Variants in AKAP13 observed in about 807,000 individuals in gnomAD.
The protein encoded by AKAP13 is A-kinase anchoring protein 13, also known as A-kinase anchor protein 13.
Under a neutral mutation model 264.5 loss-of-function variants are expected in AKAP13, and 80 were observed. The ratio of observed to expected loss-of-function variants is 0.30; its 90% CI spans 0.25 to 0.36. The LOEUF (loss-of-function observed/expected upper bound fraction) is 0.36, where lower values mean the gene tolerates loss of function less well. AKAP13 is among the 10% of genes least tolerant of loss of function. The pLI is 1.00. For synonymous variants in AKAP13, 1,380 were observed against 1,250.2 expected (o/e 1.10, Z -2.19); for missense variants, 3,712 against 3,435.2 (o/e 1.08, Z -2.01).
intron 12 of AKAP13, among the ~76,000 whole-genome samples, chr15:85,659,742 C>T (rs2083254914): frequency 6.6e-6 from 1 of 152,118 alleles, no homozygotes; most frequent in Admixed American, 6.5e-5. Flanking sequence ...GGAGTGTCAT[C>T]AACAACTCCA....
intron 1 of AKAP13, among the ~76,000 whole-genome samples, chr15:85,401,825 C>G (rs959565524): frequency 6.6e-6 from 1 of 151,804 alleles, no homozygotes; most frequent in African/African-American, 2.4e-5. Flanking sequence ...GGACATAGGA[C>G]AATAATAATG....
At chr15:85,394,308 T>C (rs542849029) in intron 1 of AKAP13, among the ~76,000 whole-genome samples, 35 of 152,330 alleles carry the variant, frequency 2.3e-4, no homozygotes, top group Admixed American at 2.0e-3. Flanking sequence ...GTATATCTTC[T>C]CTGTAATACA....
chr15:85,586,183 C>CT (rs1365184236), intron 8 of AKAP13, among the ~76,000 whole-genome samples: 1 of 151,202 alleles, frequency 6.6e-6, no homozygotes, highest in African/African-American at 2.4e-5. Flanking sequence ...TTCTTTCCTT[C>CT]TTTTTCTTTT....
In AKAP13 at chr15:85,747,050, T is replaced by TA. The variant is rs1353973635; in HGVS notation, c.*2374dup. On this transcript the variant is annotated 3_prime_UTR_variant, in exon 37 of 37. Coordinates refer to ENST00000394518, the MANE Select transcript of AKAP13 (RefSeq NM_007200.5). ...TTGTTTTGGTGGTCTTTTTTAAAAA[T>TA]AGAGATTTCACATCTGCCCAGACCC... The TA allele has an allele frequency of 6.6e-6, 1 of 152,182 alleles. No homozygotes were observed. The highest frequency in any genetic ancestry group is 1.5e-5 in the Non-Finnish European group (1 of 68,036). The allele number at this position is 152,182 out of a possible 1,614,324, so 9.4% of individuals were successfully genotyped here.
At chr15:85,626,742 C>T (rs1368570715) in intron 8 of AKAP13, among the ~76,000 whole-genome samples, 1 of 151,836 alleles carries the variant, frequency 6.6e-6, no homozygotes, top group Non-Finnish European at 1.5e-5. Flanking sequence ...GCTTGCAGTT[C>T]TTTGCATGTA....
At chr15:85,510,598 G>C (rs745483256) in intron 2 of AKAP13, among the ~76,000 whole-genome samples, 1 of 152,198 alleles carries the variant, frequency 6.6e-6, no homozygotes, top group African/African-American at 2.4e-5. Context: ...TTTGCTAGCA[G>C]TAAGTCATTT....
intron 1 of AKAP13, among the ~76,000 whole-genome samples, chr15:85,393,774 A>ACCT (rs1337389894): frequency 6.6e-6 from 1 of 152,220 alleles, no homozygotes; most frequent in African/African-American, 2.4e-5. Context: ...TGTGACTACA[A>ACCT]ACATAACTCT....
intron 1 of AKAP13, among the ~76,000 whole-genome samples, chr15:85,401,725 C>G (rs2071427376): frequency 6.6e-6 from 1 of 152,160 alleles, no homozygotes; most frequent in Non-Finnish European, 1.5e-5. Context: ...TTAGGTCTCC[C>G]TACTTTCTTT....
At chr15:85,600,527 A>G (rs565545437) in intron 8 of AKAP13, among the ~76,000 whole-genome samples, 1 of 152,342 alleles carries the variant, frequency 6.6e-6, no homozygotes, top group East Asian at 1.9e-4. Context: ...GCTGCTAAGT[A>G]GAGGCACTGC....
intron 1 of AKAP13, among the ~76,000 whole-genome samples, chr15:85,477,333 A>C (rs1174669051): frequency 6.6e-6 from 1 of 151,872 alleles, no homozygotes; most frequent in Non-Finnish European, 1.5e-5. Flanking sequence ...TTGGGGAAGA[A>C]GAATGATCTG....
At chr15:85,429,945 T>C (rs1756937298) in intron 1 of AKAP13, among the ~76,000 whole-genome samples, 1 of 152,230 alleles carries the variant, frequency 6.6e-6, no homozygotes, top group African/African-American at 2.4e-5. Context: ...TGGGTGCCTG[T>C]TGGCTGATTC....
At chr15:85,603,271 CA>C (rs2080173376) in intron 8 of AKAP13, among the ~76,000 whole-genome samples, 1 of 152,198 alleles carries the variant, frequency 6.6e-6, no homozygotes. Context: ...CCCATTTTGT[CA>C]CACAGAATTT....
chr15:85,743,246 A>G (rs1427914558), intron 35 of AKAP13, among the ~76,000 whole-genome samples: 3 of 152,142 alleles, frequency 2.0e-5, no homozygotes, highest in African/African-American at 7.2e-5. Context: ...GCGTTTGTGT[A>G]TGTAGTAAAA....
chr15:85,524,963 C>G (rs971507180), intron 3 of AKAP13, among the ~76,000 whole-genome samples: 4 of 151,740 alleles, frequency 2.6e-5, no homozygotes, highest in Admixed American at 2.6e-4. Flanking sequence ...GTGATTTCCC[C>G]TCCTTTTTAA....
At chr15:85,642,862 G>C (rs1198574593) in intron 9 of AKAP13, among the ~76,000 whole-genome samples, 1 of 152,186 alleles carries the variant, frequency 6.6e-6, no homozygotes, top group Non-Finnish European at 1.5e-5. Context: ...GAGCAGCTCA[G>C]CGTAGTTGCT....
rs576604167 is a variant in AKAP13 at position 85,692,989 on chromosome 15, C to T, written c.5290-288C>T. On this transcript the variant is annotated intron_variant, in intron 16 of 36. Coordinates refer to ENST00000394518, the MANE Select transcript of AKAP13 (RefSeq NM_007200.5). ...TACTGAGGTGTCAGAAGCCTCCTTG[C>T]AGTGCTGGTCCTTGGGTATTGTGTC... is the stretch of plus-strand genomic sequence containing the variant. 4 of 310,474 alleles carry T rather than the reference C, an allele frequency of 1.3e-5. No homozygotes were observed. In the South Asian group the frequency reaches 1.6e-4, roughly 12 times the overall value. 19.2% of individuals were successfully genotyped at this position (310,474 alleles called of 1,614,324 possible). A position where few individuals can be genotyped will look rare whatever the true frequency, so the allele number is the denominator to read the frequency against.
intron 5 of AKAP13, among the ~76,000 whole-genome samples, chr15:85,545,763 A>T (rs895502246): frequency 3.9e-5 from 6 of 152,168 alleles, no homozygotes; most frequent in South Asian, 2.1e-4. Flanking sequence ...AATTTGGTAG[A>T]ATTTCAGTTG....
intron 8 of AKAP13, among the ~76,000 whole-genome samples, chr15:85,595,445 C>T (rs1468940285): frequency 6.6e-6 from 1 of 152,100 alleles, no homozygotes; most frequent in Non-Finnish European, 1.5e-5. Context: ...TTGCCCTCAG[C>T]ATACCTAGAA....
intron 10 of AKAP13, among the ~76,000 whole-genome samples, chr15:85,650,784 A>AAAAAAAC (rs1314578741): frequency 4.3e-5 from 6 of 138,018 alleles, no homozygotes; most frequent in Non-Finnish European, 7.9e-5. Context: ...AAAAAAAAAA[A>AAAAAAAC]AAAAAACAAC....
Sources: gnomAD v4.1 joint callset for allele counts (sites outside exome capture counted in the v4.1 genomes callset) on GRCh38, gnomAD v4.1.1 for gene constraint, MANE v1.5 for transcripts, NCBI Gene and HGNC (gene_info 2026-07-23, HGNC 2026-07-21) for gene names.